Variants in FOSB observed in about 807,000 individuals in gnomAD.
FOSB encodes FosB proto-oncogene, AP-1 transcription factor subunit, also known as protein FosB.
In FOSB, 8 loss-of-function variants were observed where a neutral mutation model predicts 31.1. The observed-to-expected ratio is 0.26, with a 90% confidence interval of 0.15 to 0.46. The LOEUF is 0.46. Among genes scored for constraint, FOSB ranks in the 20% least tolerant of loss-of-function variants. The probability of loss-of-function intolerance (pLI) is 0.99; values close to 1 mark genes in which losing one functional copy is unlikely to be tolerated. For synonymous variants in FOSB, 214 were observed against 206.1 expected (o/e 1.04, Z -0.33); for missense variants, 376 against 460.6 (o/e 0.82, Z 1.68).
chr19:45,468,397 T>C lies in FOSB; in HGVS notation c.-190T>C. 1.6e-6 allele frequency: 1 copy of C among 639,198 alleles called. No individual in the cohort carries two copies. Among genetic ancestry groups the C allele is most frequent in the Non-Finnish European group, 2.7e-6 (1 of 365,312 alleles). The allele number at this position is 639,198 out of a possible 1,614,324, so 39.6% of individuals were successfully genotyped here. ...CCGCAGGAAGACTGCACAGAAACTT[T>C]GCCATTGTTGGAACGGGACGTTGCT... On this transcript the variant is annotated 5_prime_UTR_variant, in exon 1 of 4. Transcript: ENST00000353609. This position sits in a 1 kb window ranked among gnomAD's most constrained non-coding sequence, Gnocchi z 4.8.
chr19:45,471,013 A>T, intron 2 of FOSB, 64 bp downstream of exon 2: 1 of 1,529,210 alleles, frequency 6.5e-7, no homozygotes, highest in Non-Finnish European at 9.0e-7. Flanking sequence ...GAAGTTTCTT[A>T]TGAATGGAGG....
In FOSB at chr19:45,472,748, C is replaced by A; in HGVS notation, c.753C>A (p.Gly251=). The change falls in exon 4 of 4, where the codon GGC becomes GGA. Residue 251 remains glycine (G), a synonymous_variant. Coordinates refer to ENST00000353609, the MANE Select transcript of FOSB (RefSeq NM_006732.3). This position sits in a 1 kb window ranked among gnomAD's most constrained non-coding sequence, Gnocchi z 5.4. ...GCTCAGCACCGGCTAAGGAAGATGGCTTCAGCTGGCTGCTGCCGCCCCCGC... is the reference window on the plus strand; with the variant it reads ...GCTCAGCACCGGCTAAGGAAGATGGATTCAGCTGGCTGCTGCCGCCCCCGC... ...LPGSAPAKED[G]FSWLLPPPPP... is the part of the protein sequence containing the mutation. The A allele has an allele frequency of 1.9e-6, 3 of 1,613,858 alleles. No individual in the cohort carries two copies. The highest frequency in any genetic ancestry group is 2.5e-6 in the Non-Finnish European group (3 of 1,179,922).
intron 1 of FOSB, among the ~76,000 whole-genome samples, chr19:45,469,298 C>T (rs1472277074): frequency 6.6e-6 from 1 of 152,236 alleles, no homozygotes; most frequent in Non-Finnish European, 1.5e-5. Context: ...GCGCGGCGCC[C>T]CCTTCGTCCG....
intron 3 of FOSB, 68 bp downstream of exon 3, chr19:45,471,369 C>G: frequency 9.0e-7 from 1 of 1,116,522 alleles, no homozygotes; most frequent in Admixed American, 2.0e-5. Flanking sequence ...TCTGCCCCCT[C>G]TCCACCTGTA....
Position 45,470,685 on chromosome 19 carries a change from C to T in FOSB, c.183C>T (p.Ile61=), listed in dbSNP as rs763759245. The change falls in exon 2 of 4, where the codon ATC becomes ATT. Residue 61 remains isoleucine (I), a synonymous_variant. Coordinates refer to ENST00000353609, the MANE Select transcript of FOSB (RefSeq NM_006732.3). ...CCTTCGTGCCCACGGTCACCGCGATCACAACCAGCCAGGACCTCCAGTGGC... is the reference window on the plus strand; with the variant it reads ...CCTTCGTGCCCACGGTCACCGCGATTACAACCAGCCAGGACCTCCAGTGGC... The part of the protein sequence containing the change: ...PGSFVPTVTA[I]TTSQDLQWLV... 3 of 1,613,286 alleles carry T rather than the reference C, an allele frequency of 1.9e-6. No homozygotes were observed.
At chr19:45,471,505 C>CCA in intron 3 of FOSB, 1 of 433,114 alleles carries the variant, frequency 2.3e-6, no homozygotes, top group East Asian at 3.6e-5. Context: ...GTCCCCCCCC[C>CCA]ATTTCCTGAC....
In FOSB at chr19:45,472,290, C is replaced by A. The variant is rs1281435083; in HGVS notation, c.556-261C>A. ...GTTCATTCATTCAACAAACCTCCTG[C>A]ACACCAGAAACTTCCCCATAAACCT... On this transcript the variant is annotated intron_variant, in intron 3 of 3. Coordinates refer to ENST00000353609, the MANE Select transcript of FOSB (RefSeq NM_006732.3). The surrounding 1 kb of genome is among the most constrained non-coding windows in gnomAD (Gnocchi z 5.4). Among the ~76,000 whole-genome samples, 1 of 152,186 alleles carries A rather than the reference C, an allele frequency of 6.6e-6. No homozygotes were observed. Among genetic ancestry groups the A allele is most frequent in the Non-Finnish European group, 1.5e-5 (1 of 68,034 alleles).
Position 45,472,023 on chromosome 19 carries a change from A to T in FOSB, c.556-528A>T, listed in dbSNP as rs1361928261. On this transcript the variant is annotated intron_variant, in intron 3 of 3. Transcript: ENST00000353609. This position sits in a 1 kb window ranked among gnomAD's most constrained non-coding sequence, Gnocchi z 5.4. ...GGCAGGAGGATTGCTTGAGCCCAGG[A>T]GTTTGAGACCAGCCTGGGAAACATA... 6.6e-6 allele frequency: 1 copy of T among 152,558 alleles called. No individual in the cohort carries two copies. Among genetic ancestry groups the T allele is most frequent in the Admixed American group, 6.6e-5 (1 of 15,266 alleles). 9.5% of individuals were successfully genotyped at this position (152,558 alleles called of 1,614,324 possible).
chr19:45,471,338 A>AG (rs924171890), intron 3 of FOSB, 37 bp downstream of exon 3: 1 of 1,397,560 alleles, frequency 7.2e-7, no homozygotes, highest in Non-Finnish European at 9.9e-7. Flanking sequence ...GGGGATGTTG[A>AG]GGGGAGCTCT....
At chr19:45,469,688 A>G (rs1599886221) in intron 1 of FOSB, among the ~76,000 whole-genome samples, 1 of 151,960 alleles carries the variant, frequency 6.6e-6, no homozygotes, top group African/African-American at 2.4e-5. Flanking sequence ...CCTCTTCTCC[A>G]GGCACACACA....
In FOSB at chr19:45,471,219, G is replaced by A. The variant is rs1362702865; in HGVS notation, c.473G>A (p.Arg158Gln). 6.4e-7 allele frequency: 1 copy of A among 1,566,670 alleles called. No homozygotes were observed. Among genetic ancestry groups the A allele is most frequent in the Non-Finnish European group, 8.7e-7 (1 of 1,155,312 alleles). The change falls in exon 3 of 4, where the codon CGA becomes CAA. Residue 158 changes from arginine (R) to glutamine (Q), a missense_variant. This residue lies in a region of FOSB where 35 missense variants were observed against 83.5 expected (regional missense o/e 0.42). Coordinates refer to ENST00000353609, the MANE Select transcript of FOSB (RefSeq NM_006732.3). Reference protein sequence around the residue: ...ETLTPEEEEKRRVRRERNKLA... With the variant: ...ETLTPEEEEKQRVRRERNKLA... ...CTCACCCCAGAGGAAGAGGAGAAGC[G>A]AAGGGTGCGCCGGGAACGAAATAAA...
In FOSB at chr19:45,472,716, T is replaced by A. The variant is rs1404139500; in HGVS notation, c.721T>A (p.Leu241Met). Residue 241 changes from leucine to methionine, a missense_variant, in exon 4 of 4, where the codon TTG becomes ATG. Physicochemically the swap from Leu to Met is conservative, Grantham distance 15. Around this residue, in one of 3 missense-constraint regions of FOSB, gnomAD observed 148 missense variants for 170.0 expected, o/e 0.87. Coordinates refer to ENST00000353609, the MANE Select transcript of FOSB (RefSeq NM_006732.3). The surrounding 1 kb of genome is among the most constrained non-coding windows in gnomAD (Gnocchi z 5.4). Reference sequence around the variant, plus strand: ...GGGCCCGCTGGCGGAGGTGAGAGATTTGCCGGGCTCAGCACCGGCTAAGGA... The same window carrying A: ...GGGCCCGCTGGCGGAGGTGAGAGATATGCCGGGCTCAGCACCGGCTAAGGA... Reference protein sequence around the residue: ...GPGPLAEVRDLPGSAPAKEDG... With the variant: ...GPGPLAEVRDMPGSAPAKEDG... 2 of 1,610,734 alleles carry A rather than the reference T, an allele frequency of 1.2e-6. No homozygotes were observed. Among genetic ancestry groups the A allele is most frequent in the Admixed American group, 3.4e-5 (2 of 59,326 alleles).
chr19:45,472,969 A>T lies in FOSB; in HGVS notation c.974A>T (p.Gln325Leu), dbSNP rs1466134310. The change falls in exon 4 of 4, where the codon CAG (glutamine) becomes CTG (leucine). Residue 325 changes from glutamine to leucine, a missense_variant. This residue lies in a region of FOSB where 148 missense variants were observed against 170.0 expected (regional missense o/e 0.87). Transcript: ENST00000353609. The surrounding 1 kb of genome is among the most constrained non-coding windows in gnomAD (Gnocchi z 5.4). Reference sequence around the variant, plus strand: ...GCCCAACGCACCAGCGGCAGTGACCAGCCTTCCGATCCCCTGAACTCGCCC... The same window carrying T: ...GCCCAACGCACCAGCGGCAGTGACCTGCCTTCCGATCCCCTGAACTCGCCC... Reference protein sequence around the residue: ...AGAQRTSGSDQPSDPLNSPSL... With the variant: ...AGAQRTSGSDLPSDPLNSPSL... The T allele has an allele frequency of 6.2e-7, 1 of 1,612,610 alleles. No individual in the cohort carries two copies. The highest frequency in any genetic ancestry group is 8.5e-7 in the Non-Finnish European group (1 of 1,180,034).
At position 45,472,256 on chromosome 19, in the gene FOSB, A is replaced by G. The variant is rs1967705243; in HGVS notation, c.556-295A>G. On this transcript the variant is annotated intron_variant, in intron 3 of 3. Transcript: ENST00000353609. The surrounding 1 kb of genome is among the most constrained non-coding windows in gnomAD (Gnocchi z 5.4). ...TCAAAAGCAAAACAAAACCAACCAC[A>G]TAACGATTGTTCATTCATTCAACAA... 6.6e-6 allele frequency among the ~76,000 whole-genome samples: 1 copy of G among 152,172 alleles called. No homozygotes were observed. The highest frequency in any genetic ancestry group is 2.4e-5 in the African/African-American group (1 of 41,428).
chr19:45,473,122 C>A lies in FOSB; in HGVS notation c.*110C>A. 1.0e-6 allele frequency: 1 copy of A among 988,838 alleles called. No individual in the cohort carries two copies. Among genetic ancestry groups the A allele is most frequent in the Non-Finnish European group, 1.5e-6 (1 of 660,128 alleles). 61.3% of individuals were successfully genotyped at this position (988,838 alleles called of 1,614,324 possible). On this transcript the variant is annotated 3_prime_UTR_variant, in exon 4 of 4. Coordinates refer to ENST00000353609, the MANE Select transcript of FOSB (RefSeq NM_006732.3). ...GGGAAGAGACAAAGTGGGTGTGTGGCCTCCCTGGCTCCTCCGTCTGACCCT... is the reference window on the plus strand; with the variant it reads ...GGGAAGAGACAAAGTGGGTGTGTGGACTCCCTGGCTCCTCCGTCTGACCCT...
chr19:45,471,079 C>G (rs1387122357), intron 2 of FOSB, 115 bp from the exon 3 acceptor site: 18 of 1,338,104 alleles, frequency 1.3e-5, no homozygotes, highest in Non-Finnish European at 1.9e-5. Context: ...GCTACACGAG[C>G]GAGGACCGGA....
At position 45,468,492 on chromosome 19, in the gene FOSB, AC is replaced by A; in HGVS notation, c.-91del. The A allele has an allele frequency of 7.2e-7, 1 of 1,380,148 alleles. No individual in the cohort carries two copies. The allele number at this position is 1,380,148 out of a possible 1,614,324, so 85.5% of individuals were successfully genotyped here. A position where few individuals can be genotyped will look rare whatever the true frequency, so the allele number is the denominator to read the frequency against. On this transcript the variant is annotated 5_prime_UTR_variant, in exon 1 of 4. Transcript: ENST00000353609. This position sits in a 1 kb window ranked among gnomAD's most constrained non-coding sequence, Gnocchi z 4.8. ...AGCTCACCGGGGACTCCCACGGCTC[AC>A]CCCGGACTTGCACCTTACTTCCCCA...
Position 45,468,827 on chromosome 19 carries a change from G to C in FOSB, c.126+115G>C. Reference sequence around the variant, plus strand: ...CGCATCAGAACCCTAGATCTGAGATGGAAAAGGCTCACAGCGCACTTTGCA... The same window carrying C: ...CGCATCAGAACCCTAGATCTGAGATCGAAAAGGCTCACAGCGCACTTTGCA... On this transcript the variant is annotated intron_variant, in intron 1 of 3. Transcript: ENST00000353609. This position sits in a 1 kb window ranked among gnomAD's most constrained non-coding sequence, Gnocchi z 4.8. 1 of 1,170,952 alleles carries C rather than the reference G, an allele frequency of 8.5e-7. No individual in the cohort carries two copies. The highest frequency in any genetic ancestry group is 1.2e-6 in the Non-Finnish European group (1 of 854,000). The allele number at this position is 1,170,952 out of a possible 1,614,324, so 72.5% of individuals were successfully genotyped here.
chr19:45,470,583 C>G (rs776831910), intron 1 of FOSB, 46 bp from the exon 2 acceptor site: 1 of 1,533,856 alleles, frequency 6.5e-7, no homozygotes, highest in South Asian at 1.2e-5. Flanking sequence ...GTGTCGGTGT[C>G]TTTGTTTGTG....
Sources: allele counts gnomAD v4.1 joint callset (sites outside exome capture counted in the v4.1 genomes callset), GRCh38; gene constraint gnomAD v4.1.1; regional missense constraint gnomAD v4.1.1; non-coding constraint Gnocchi (gnomAD v3.1); transcripts MANE v1.5; gene names NCBI Gene and HGNC (gene_info 2026-07-23, HGNC 2026-07-21).